The following FSTL4 variants were observed in gnomAD, a reference collection of about 807,000 sequenced individuals.
FSTL4 encodes the protein follistatin-related protein 4.
In FSTL4, 28 loss-of-function variants were observed where a neutral mutation model predicts 78.2. The observed-to-expected ratio is 0.36, with a 90% confidence interval of 0.27 to 0.49. The LOEUF is 0.49. FSTL4 is among the 20% of genes least tolerant of loss of function. The pLI, the probability that FSTL4 is intolerant of heterozygous loss-of-function variation, is 0.98. For synonymous variants in FSTL4, 422 were observed against 440.5 expected (o/e 0.96, Z 0.53); for missense variants, 922 against 1,084.9 (o/e 0.85, Z 2.11).
chr5:133,344,139 G>C (rs1754648332), intron 4 of FSTL4, among the ~76,000 whole-genome samples: 2 of 152,240 alleles, frequency 1.3e-5, no homozygotes, highest in African/African-American at 4.8e-5. Context: ...AACACCTTCA[G>C]ATATTTAATA....
the FSTL4 span, among the ~76,000 whole-genome samples, chr5:133,820,133 G>C: frequency 6.6e-6 from 1 of 152,190 alleles, no homozygotes; most frequent in Admixed American, 6.5e-5. Context: ...GCAGAGGCCT[G>C]TGTCCTCCAG....
the FSTL4 span, among the ~76,000 whole-genome samples, chr5:133,819,036 T>TCCACCCACATGCCCACCGC: frequency 2.7e-4 from 39 of 144,234 alleles, no homozygotes; most frequent in South Asian, 8.1e-3. Flanking sequence ...TGCCCAGCCG[T>TCCACCCACATGCCCACCGC]CCACCCACAT....
chr5:133,754,199 G>A, the FSTL4 span, among the ~76,000 whole-genome samples: 5 of 152,280 alleles, frequency 3.3e-5, no homozygotes, highest in East Asian at 7.7e-4. Context: ...ACCTCAGGGA[G>A]CCTAGTCTTC....
Position 133,196,549 on chromosome 5 carries a change from T to C in FSTL4, c.*2546A>G, listed in dbSNP as rs184095472. ...TTTGGTAAAGTCAGTACTTCTTTAA[T>C]AGCTAAGATATCAGTTGTGAATTGA... is the stretch of plus-strand genomic sequence containing the variant. On this transcript the variant is annotated 3_prime_UTR_variant, in exon 16 of 16. Coordinates refer to ENST00000265342, the MANE Select transcript of FSTL4 (RefSeq NM_015082.2). 1.3e-5 allele frequency: 2 copies of C among 152,338 alleles called. No homozygotes were observed. Among genetic ancestry groups the C allele is most frequent in the African/African-American group, 2.4e-5 (1 of 41,566 alleles). 9.4% of individuals were successfully genotyped at this position (152,338 alleles called of 1,614,324 possible). A position where few individuals can be genotyped will look rare whatever the true frequency, so the allele number is the denominator to read the frequency against.
At chr5:133,417,024 C>T (rs936505637) in intron 3 of FSTL4, among the ~76,000 whole-genome samples, 10 of 152,070 alleles carry the variant, frequency 6.6e-5, no homozygotes, top group Admixed American at 3.3e-4. Flanking sequence ...TCCAAAATTG[C>T]GTACACAGAA....
the FSTL4 span, among the ~76,000 whole-genome samples, chr5:133,721,293 T>C: frequency 6.6e-6 from 1 of 152,238 alleles, no homozygotes; most frequent in Non-Finnish European, 1.5e-5. Context: ...TTAACTTTCA[T>C]AATAGAAATT....
chr5:133,629,359 T>C, the FSTL4 span, among the ~76,000 whole-genome samples: 1 of 152,204 alleles, frequency 6.6e-6, no homozygotes, highest in Non-Finnish European at 1.5e-5. Flanking sequence ...CAGAGAATAC[T>C]ATAAACACCT....
chr5:133,630,644 A>G, the FSTL4 span, among the ~76,000 whole-genome samples: 2 of 152,052 alleles, frequency 1.3e-5, no homozygotes, highest in East Asian at 3.9e-4. Context: ...AAAAACAACT[A>G]AATTTCATAT....
chr5:133,783,450 C>A, the FSTL4 span, among the ~76,000 whole-genome samples: 1 of 152,218 alleles, frequency 6.6e-6, no homozygotes, highest in Non-Finnish European at 1.5e-5. Flanking sequence ...GATAAATTAG[C>A]CTTATCTATC....
At chr5:133,683,530 G>A in the FSTL4 span, among the ~76,000 whole-genome samples, 4 of 152,170 alleles carry the variant, frequency 2.6e-5, no homozygotes, top group East Asian at 1.9e-4. Context: ...GCATGTTTGC[G>A]TGATAGAGAA....
At chr5:133,371,537 C>CT (rs1227575039) in intron 4 of FSTL4, among the ~76,000 whole-genome samples, 2 of 152,200 alleles carry the variant, frequency 1.3e-5, no homozygotes, top group African/African-American at 4.8e-5. Context: ...CCTACAGGGC[C>CT]TCCACTTGTC....
intron 11 of FSTL4, among the ~76,000 whole-genome samples, chr5:133,222,997 T>C (rs191756484): frequency 2.6e-3 from 391 of 152,346 alleles, no homozygotes; most frequent in African/African-American, 8.5e-3. Context: ...AAGGCGGCTG[T>C]GGGTCTTTAG....
chr5:133,621,971 A>AAAT, the FSTL4 span, among the ~76,000 whole-genome samples: 6 of 152,184 alleles, frequency 3.9e-5, no homozygotes, highest in East Asian at 9.6e-4. Flanking sequence ...GACATGTATA[A>AAAT]AATGAAGATA....
At chr5:133,748,214 A>C in the FSTL4 span, among the ~76,000 whole-genome samples, 70 of 151,488 alleles carry the variant, frequency 4.6e-4, no homozygotes, top group African/African-American at 1.5e-3. Flanking sequence ...AAGAAAAAAA[A>C]AAAGCCCAAA....
rs562072407 is a variant in FSTL4 at position 133,325,904 on chromosome 5, G to T, written c.410-9252C>A. On this transcript the variant is annotated intron_variant, in intron 4 of 15. Coordinates refer to ENST00000265342, the MANE Select transcript of FSTL4 (RefSeq NM_015082.2). Reference sequence around the variant, plus strand: ...CACACTTTCCCCATTAGCCTGGTAAGTCATGTCATGTGCTGCCCCAGCAAA... The same window carrying T: ...CACACTTTCCCCATTAGCCTGGTAATTCATGTCATGTGCTGCCCCAGCAAA... 2.2e-4 allele frequency among the ~76,000 whole-genome samples: 33 copies of T among 152,334 alleles called. No homozygotes were observed. The South Asian group carries it at 6.4e-3, about 30-fold the overall frequency.
At chr5:133,822,419 C>T in the FSTL4 span, among the ~76,000 whole-genome samples, 2 of 152,206 alleles carry the variant, frequency 1.3e-5, no homozygotes, top group Admixed American at 6.5e-5. Flanking sequence ...ATTTGAAGAG[C>T]ATATTCTCAG....
At chr5:133,517,849 T>C (rs537821780) in intron 3 of FSTL4, among the ~76,000 whole-genome samples, 30 of 152,264 alleles carry the variant, frequency 2.0e-4, no homozygotes, top group East Asian at 1.2e-3. Flanking sequence ...CAAAGCAGTC[T>C]ACTGGCAGAA....
chr5:133,421,498 T>C (rs193054131), intron 3 of FSTL4, among the ~76,000 whole-genome samples: 22 of 145,318 alleles, frequency 1.5e-4, no homozygotes, highest in East Asian at 6.2e-4. Context: ...GCTGAGCATA[T>C]GGGATAAGAG....
intron 3 of FSTL4, among the ~76,000 whole-genome samples, chr5:133,517,439 A>ATATATATATATAT (rs1221892095): frequency 5.6e-4 from 18 of 32,118 alleles, no homozygotes; most frequent in African/African-American, 1.4e-3. Flanking sequence ...AAAAAAAAAA[A>ATATATATATATAT]AAAAAAAAAT....
Sources: allele counts gnomAD v4.1 joint callset (sites outside exome capture counted in the v4.1 genomes callset), GRCh38; gene constraint gnomAD v4.1.1; transcripts MANE v1.5; gene names NCBI Gene and HGNC (gene_info 2026-07-23, HGNC 2026-07-21).